Variants in AKAP13 observed in about 807,000 individuals in gnomAD.
AKAP13 encodes the protein A-kinase anchoring protein 13, also known as A-kinase anchor protein 13.
A neutral mutation model predicts 264.5 loss-of-function variants in AKAP13; 80 were observed. The observed-to-expected ratio is 0.30, with a 90% CI of 0.25 to 0.36. The LOEUF (loss-of-function observed/expected upper bound fraction) is 0.36. AKAP13 is among the 10% of genes least tolerant of loss of function. AKAP13 has a pLI of 1.00. For missense variants in AKAP13, 3,712 were observed against 3,435.2 expected (o/e 1.08, Z -2.01); for synonymous variants, 1,380 against 1,250.2 (o/e 1.10, Z -2.19).
rs1451017586 is a variant in AKAP13, at chr15:85,435,508, T to C, written c.-11-50202T>C. On this transcript the variant is annotated intron_variant, in intron 1 of 36. Coordinates refer to ENST00000394518, the MANE Select transcript of AKAP13 (RefSeq NM_007200.5). ...TCGAGAAGAGCAACTCCAAGACACA[T>C]AATTGTCAGATTCACCAAAGTTGAA... is the stretch of plus-strand genomic sequence containing the variant. Among the ~76,000 whole-genome samples, 3 of 62,606 alleles carry C rather than the reference T, an allele frequency of 4.8e-5. No homozygotes were observed. In the East Asian group the frequency reaches 1.2e-3, roughly 24 times the overall value. The allele number at this position is 62,606 out of a possible 152,430, so 41.1% of individuals were successfully genotyped here.
intron 6 of AKAP13, among the ~76,000 whole-genome samples, chr15:85,576,298 A>AT (rs1242491380): frequency 2.0e-5 from 3 of 152,184 alleles, no homozygotes; most frequent in Non-Finnish European, 4.4e-5. Flanking sequence ...AATCAGGAGT[A>AT]TTTTTACAAC....
chr15:85,521,661 G>A (rs952659808), intron 3 of AKAP13, 86 bp downstream of exon 3: 2 of 1,458,152 alleles, frequency 1.4e-6, no homozygotes, highest in South Asian at 2.7e-5. Context: ...GTGACAGGAA[G>A]AGTGAAGTGT....
At chr15:85,658,655 C>T in intron 12 of AKAP13, 65 bp downstream of exon 12, 3 of 1,419,482 alleles carry the variant, frequency 2.1e-6, no homozygotes, top group Middle Eastern at 3.5e-4. Flanking sequence ...ACAAGCATCT[C>T]ATTCTGCTTA....
At chr15:85,624,970 C>G (rs1335608686) in intron 8 of AKAP13, among the ~76,000 whole-genome samples, 1 of 152,158 alleles carries the variant, frequency 6.6e-6, no homozygotes, top group Non-Finnish European at 1.5e-5. Context: ...CCATAATTCA[C>G]CAGAAGTTTG....
At chr15:85,468,037 C>CA (rs1164891762) in intron 1 of AKAP13, among the ~76,000 whole-genome samples, 2 of 152,186 alleles carry the variant, frequency 1.3e-5, no homozygotes, top group Non-Finnish European at 2.9e-5. Flanking sequence ...AACAAAACTT[C>CA]AAAATGTTGT....
At chr15:85,590,147 G>A (rs2079527653) in intron 8 of AKAP13, among the ~76,000 whole-genome samples, 2 of 152,042 alleles carry the variant, frequency 1.3e-5, no homozygotes, top group African/African-American at 4.8e-5. Context: ...TTGCTTCATT[G>A]AATCATTGAA....
chr15:85,715,869 G>C lies in AKAP13; in HGVS notation c.5681G>C (p.Arg1894Pro). The C allele has an allele frequency of 1.2e-6, 2 of 1,613,334 alleles. No individual in the cohort carries two copies. Among genetic ancestry groups the C allele is most frequent in the Non-Finnish European group, 1.7e-6 (2 of 1,179,890 alleles). ...ACCACCCCAATATTTGCCAATAGAC[G>C]ATCCCAGCAGAGTGTCTCGCTCTCC... is the stretch of plus-strand genomic sequence containing the variant. The part of the protein sequence containing the change: ...TATTPIFANR[R>P]SQQSVSLSKS... The change falls in exon 20 of 37, where the codon CGA becomes CCA. Residue 1894 changes from arginine (R) to proline (P), a missense_variant. This residue lies in a region of AKAP13 where 2,759 missense variants were observed against 2,411.7 expected (regional missense o/e 1.14). Coordinates refer to ENST00000394518, the MANE Select transcript of AKAP13 (RefSeq NM_007200.5).
intron 16 of AKAP13, among the ~76,000 whole-genome samples, chr15:85,686,184 T>C (rs2084910426): frequency 2.6e-5 from 1 of 38,030 alleles, no homozygotes; most frequent in African/African-American, 1.8e-4. Flanking sequence ...TGTGTGCACG[T>C]GCATGCATGT....
intron 5 of AKAP13, among the ~76,000 whole-genome samples, chr15:85,561,746 A>C (rs2078385427): frequency 1.3e-5 from 2 of 152,192 alleles, no homozygotes; most frequent in African/African-American, 4.8e-5. Context: ...AGTATTCCAG[A>C]AGTTATGGAC....
rs993977641 is a variant in AKAP13, at chr15:85,444,294, G to A, written c.-11-41416G>A. ...AGTGGAGCACGTTGCTGCTACCTCA[G>A]GCTTATTCAGACAGACAAAATAGAA... On this transcript the variant is annotated intron_variant, in intron 1 of 36. Transcript: ENST00000394518. Among the ~76,000 whole-genome samples the A allele has an allele frequency of 5.3e-5, 8 of 152,094 alleles. No individual in the cohort carries two copies. In the East Asian group the frequency reaches 1.5e-3, roughly 29 times the overall value.
intron 16 of AKAP13, among the ~76,000 whole-genome samples, chr15:85,691,339 T>C (rs2151634042): frequency 6.6e-6 from 1 of 152,326 alleles, no homozygotes; most frequent in South Asian, 2.1e-4. Flanking sequence ...AAAGGACCTT[T>C]TATGGAGAGC....
At chr15:85,403,660 G>C (rs2071528827) in intron 1 of AKAP13, among the ~76,000 whole-genome samples, 1 of 152,052 alleles carries the variant, frequency 6.6e-6, no homozygotes, top group South Asian at 2.1e-4. Flanking sequence ...GATCAACATA[G>C]TGAAACCTTG....
intron 2 of AKAP13, among the ~76,000 whole-genome samples, chr15:85,503,132 A>AAATC (rs1400061430): frequency 2.0e-5 from 3 of 152,210 alleles, no homozygotes; most frequent in African/African-American, 4.8e-5. Context: ...AAGGGGATTA[A>AAATC]ATGGCAACCT....
chr15:85,726,373 T>A, intron 26 of AKAP13, 37 bp from the exon 27 acceptor site: 1 of 1,563,116 alleles, frequency 6.4e-7, no homozygotes, highest in Non-Finnish European at 8.8e-7. Context: ...TAAGTAGTCA[T>A]CGTTTTATCT....
chr15:85,581,654 C>T lies in AKAP13; in HGVS notation c.3586C>T (p.Pro1196Ser), dbSNP rs777066587. The T allele has an allele frequency of 1.9e-6, 3 of 1,614,118 alleles. No homozygotes were observed. Among genetic ancestry groups the T allele is most frequent in the Non-Finnish European group, 2.5e-6 (3 of 1,180,032 alleles). The change falls in exon 7 of 37, where the codon CCC becomes TCC. Residue 1196 changes from proline (P) to serine (S), a missense_variant. Around this residue, in one of 3 missense-constraint regions of AKAP13, gnomAD observed 2,759 missense variants for 2,411.7 expected, o/e 1.14. Transcript: ENST00000394518. ...VLLQPVAKEL[P>S]TDMELSAHDD... is the part of the protein sequence containing the mutation. ...ACTGCAGCCTGTTGCCAAGGAGCTC[C>T]CCACAGACATGGAGCTCTCAGCCCA...
rs1459174200 is a variant in AKAP13, at chr15:85,740,925, T to G, written c.7609-121T>G. Reference sequence around the variant, plus strand: ...ATTTTTATGAGACGGGCTTGAAAAATGAGGGGAGAGTTCTAGTCCGTCATA... The same window carrying G: ...ATTTTTATGAGACGGGCTTGAAAAAGGAGGGGAGAGTTCTAGTCCGTCATA... On this transcript the variant is annotated intron_variant, in intron 34 of 36. Coordinates refer to ENST00000394518, the MANE Select transcript of AKAP13 (RefSeq NM_007200.5). 2.1e-5 allele frequency: 31 copies of G among 1,457,730 alleles called. No individual in the cohort carries two copies. In the South Asian group the frequency reaches 4.5e-4, roughly 21 times the overall value. 90.3% of individuals were successfully genotyped at this position (1,457,730 alleles called of 1,614,324 possible). A position where few individuals can be genotyped will look rare whatever the true frequency, so the allele number is the denominator to read the frequency against.
At chr15:85,653,628 C>T (rs982998607) in intron 10 of AKAP13, among the ~76,000 whole-genome samples, 1 of 152,080 alleles carries the variant, frequency 6.6e-6, no homozygotes, top group Non-Finnish European at 1.5e-5. Context: ...GTTTTCTATT[C>T]CAAAGCTGAA....
At chr15:85,416,061 G>A (rs2072231064) in intron 1 of AKAP13, among the ~76,000 whole-genome samples, 1 of 152,186 alleles carries the variant, frequency 6.6e-6, no homozygotes, top group African/African-American at 2.4e-5. Flanking sequence ...AGCACAGAAG[G>A]ATGGAGCAAC....
intron 14 of AKAP13, among the ~76,000 whole-genome samples, chr15:85,674,654 G>T (rs546002768): frequency 6.6e-6 from 1 of 152,284 alleles, no homozygotes; most frequent in African/African-American, 2.4e-5. Flanking sequence ...CTTGAGAGCT[G>T]AACTGTGGCA....
Sources: gnomAD v4.1 joint callset for allele counts (sites outside exome capture counted in the v4.1 genomes callset) on GRCh38, gnomAD v4.1.1 for gene constraint, gnomAD v4.1.1 regional missense constraint, MANE v1.5 for transcripts, NCBI Gene and HGNC (gene_info 2026-07-23, HGNC 2026-07-21) for gene names.